RTL9: variants seen among roughly 807,000 people sequenced by gnomAD.
The protein encoded by RTL9 is retrotransposon Gag-like protein 9.
A neutral mutation model predicts 44.7 loss-of-function variants in RTL9; 19 were observed. The ratio of observed to expected loss-of-function variants is 0.42; its 90% CI spans 0.30 to 0.62. The LOEUF (loss-of-function observed/expected upper bound fraction) is 0.62. Ranked by LOEUF, RTL9 falls within the 20% of genes least tolerant of loss-of-function variation. The pLI, the probability that RTL9 is intolerant of heterozygous loss-of-function variation, is 0.16. For synonymous variants in RTL9, 407 were observed against 398.9 expected, an observed-to-expected ratio of 1.02 and a Z score of -0.24; for missense variants, 1,105 against 1,080.6, an observed-to-expected ratio of 1.02 and a Z score of -0.32.
intron 1 of RTL9, among the ~76,000 whole-genome samples, chrX:110,434,113 G>C (rs1034989160): frequency 8.9e-6 from 1 of 111,753 alleles, no homozygotes; most frequent in African/African-American, 3.3e-5. Context: ...TGGAGGCAGG[G>C]GAAGACATTC....
rs1258289829 is a variant in RTL9, at chrX:110,455,199, C to T, written c.4048-3C>T. On this transcript the variant is annotated splice_region_variant and splice_polypyrimidine_tract_variant and intron_variant, in intron 1 of 1. Transcript: ENST00000540313. ...ACCTCTGTTGTCTTTTTCTCACTCC[C>T]AGCACCAGCATGTTTCCAAACGCTG... is the stretch of plus-strand genomic sequence containing the variant. The T allele has an allele frequency of 8.3e-7, 1 of 1,207,211 alleles. No homozygotes were observed. The highest frequency in any genetic ancestry group is 2.2e-5 in the Admixed American group (1 of 45,502).
Position 110,360,748 on chromosome X carries a change from C to A in RTL9, c.-168+1832C>A, listed in dbSNP as rs1569414394. Among the ~76,000 whole-genome samples the A allele has an allele frequency of 2.7e-5, 3 of 110,927 alleles. No individual in the cohort carries two copies. The East Asian group carries it at 8.5e-4, about 32-fold the overall frequency. ...AGTTGACATTTGGAGGCAAGGAAACCAGTTAGGAGGCTATTGTAAAAGCCA... is the reference window on the plus strand; with the variant it reads ...AGTTGACATTTGGAGGCAAGGAAACAAGTTAGGAGGCTATTGTAAAAGCCA... On this transcript the variant is annotated intron_variant, in intron 1 of 2. Coordinates refer to the RTL9 transcript ENST00000520821.
chrX:110,400,396 G>T (rs1304576558), intron 1 of RTL9, among the ~76,000 whole-genome samples: 1 of 108,727 alleles, frequency 9.2e-6, no homozygotes, highest in Non-Finnish European at 1.9e-5. Flanking sequence ...GTATTGTTCT[G>T]AGTCCTTTCT....
chrX:110,455,572 A>G (rs2068975954), exon 2 of RTL9: 3 of 273,895 alleles, frequency 1.1e-5, no homozygotes, highest in Admixed American at 5.5e-5. Context: ...CTGAACTCCC[A>G]TCACCACCGA....
chrX:110,451,456 G>A, exon 1 of RTL9: 3 of 1,211,543 alleles, frequency 2.5e-6, no homozygotes, highest in Non-Finnish European at 3.4e-6. Context: ...GCTTCTGGAG[G>A]TACATCACCC....
intron 1 of RTL9, among the ~76,000 whole-genome samples, chrX:110,433,455 G>A (rs1028650946): frequency 3.6e-5 from 4 of 111,531 alleles, no homozygotes; most frequent in African/African-American, 9.8e-5. Context: ...ATGGGAGGAT[G>A]ACTAGGAAGG....
At position 110,454,050 on chromosome X, in the gene RTL9, A is replaced by AC; in HGVS notation, c.3437dup (p.Ala1147SerfsTer25). 1.7e-6 allele frequency: 2 copies of AC among 1,211,846 alleles called. No homozygotes were observed. Among genetic ancestry groups the AC allele is most frequent in the Non-Finnish European group, 2.2e-6 (2 of 895,534 alleles). On this transcript the variant is annotated frameshift_variant, in exon 1 of 2. Coordinates refer to ENST00000540313, the Ensembl canonical transcript of RTL9. LOFTEE classifies it high-confidence loss of function. ...GGAAGTGCCATCCTTCGGAATGTTGACCCCAGCACTCTGCTACCTCTTAGA... is the reference window on the plus strand; with the variant it reads ...GGAAGTGCCATCCTTCGGAATGTTGACCCCCAGCACTCTGCTACCTCTTAGA...
intron 1 of RTL9, among the ~76,000 whole-genome samples, chrX:110,377,068 A>G (rs1013581382): frequency 9.0e-6 from 1 of 111,625 alleles, no homozygotes; most frequent in Admixed American, 9.5e-5. Context: ...ACTAGTAGAC[A>G]GTAATAACAA....
At chrX:110,450,232 C>G (rs766463751), upstream of RTL9, among the ~76,000 whole-genome samples, 4 of 111,321 alleles carry the variant, frequency 3.6e-5, no homozygotes, top group Non-Finnish European at 3.8e-5. Context: ...AGAATACAGG[C>G]CAGGAATCCG....
chrX:110,422,021 G>A (rs910202816), intron 1 of RTL9, among the ~76,000 whole-genome samples: 2 of 113,225 alleles, frequency 1.8e-5, no homozygotes, highest in African/African-American at 6.4e-5. Flanking sequence ...TAAGTTCCCA[G>A]TTTTGATCTA....
chrX:110,452,106 A>T lies in RTL9; in HGVS notation c.1489A>T (p.Met497Leu), dbSNP rs764213416. ...CAAGAGAGCCACAGCCTCTGGAAAG[A>T]TGTCCACGCCACTGAGGAGAGCTCC... The change falls in exon 1 of 2, where the codon ATG becomes TTG. Residue 497 changes from methionine (M) to leucine (L), a missense_variant. By Grantham distance (15) the Met-to-Leu change is conservative. Transcript: ENST00000540313. The T allele has an allele frequency of 3.3e-6, 4 of 1,211,846 alleles. No homozygotes were observed. Among genetic ancestry groups the T allele is most frequent in the Non-Finnish European group, 3.4e-6 (3 of 895,509 alleles).
upstream of RTL9, chrX:110,450,456 T>A: frequency 2.1e-6 from 1 of 466,521 alleles, no homozygotes; most frequent in Non-Finnish European, 3.7e-6. Context: ...TCACCTTCAA[T>A]GCCATATACC....
chrX:110,444,066 G>A (rs889982506), intron 1 of RTL9, among the ~76,000 whole-genome samples: 2 of 112,234 alleles, frequency 1.8e-5, no homozygotes, highest in African/African-American at 6.5e-5. Flanking sequence ...ACTATCCCTG[G>A]GAAGACTAGT....
intron 1 of RTL9, among the ~76,000 whole-genome samples, chrX:110,361,986 A>G (rs769121008): frequency 7.1e-5 from 8 of 112,035 alleles, no homozygotes; most frequent in Admixed American, 4.7e-4. Context: ...GCCATAGTGT[A>G]CTGACCCCTG....
chrX:110,384,383 A>G (rs1331745558), intron 1 of RTL9, among the ~76,000 whole-genome samples: 1 of 111,370 alleles, frequency 9.0e-6, no homozygotes, highest in Non-Finnish European at 1.9e-5. Context: ...TTCCTCATCT[A>G]TAAAATGAGG....
rs61150678 is a variant in RTL9, at chrX:110,443,197, C to T, written c.-167-1956C>T. On this transcript the variant is annotated intron_variant, in intron 1 of 3. Coordinates refer to the RTL9 transcript ENST00000465301. ...AGATGAGGAAACTGAGGTGAACTAA[C>T]TTGAAGTATTGAGGTTCAAGCCCAG... Among the ~76,000 whole-genome samples the T allele has an allele frequency of 2.4e-3, 268 of 111,760 alleles. 3 individuals are homozygous for T. The highest frequency in any genetic ancestry group is 0.02 in the Admixed American group (211 of 10,569).
At chrX:110,451,591 T>C (rs2068941285) in exon 1 of RTL9, 2 of 1,211,916 alleles carry the variant, frequency 1.7e-6, no homozygotes. Context: ...ACACCGCTAC[T>C]GTCAGTCCCA....
At chrX:110,381,173 T>C (rs947034142) in intron 1 of RTL9, among the ~76,000 whole-genome samples, 1 of 111,797 alleles carries the variant, frequency 8.9e-6, no homozygotes, top group African/African-American at 3.3e-5. Flanking sequence ...AAAATATTCA[T>C]AAACTATGCA....
intron 1 of RTL9, among the ~76,000 whole-genome samples, chrX:110,382,682 C>T (rs940409729): frequency 9.0e-6 from 1 of 111,630 alleles, no homozygotes; most frequent in African/African-American, 3.3e-5. Context: ...AGAGTCCTCT[C>T]TTTTTCTCCT....
Sources: gnomAD v4.1 joint callset for allele counts (sites outside exome capture counted in the v4.1 genomes callset) on GRCh38, gnomAD v4.1.1 for gene constraint, MANE v1.5 for transcripts, NCBI Gene and HGNC (gene_info 2026-07-23, HGNC 2026-07-21) for gene names.